ZDHHC13: variants seen among roughly 807,000 people sequenced by gnomAD.
ZDHHC13 encodes zDHHC palmitoyltransferase 13.
ZDHHC13 carries 85 observed loss-of-function variants against 86.0 expected under a neutral mutation model. The ratio of observed to expected loss-of-function variants is 0.99; its 90% confidence interval spans 0.83 to 1.18. ZDHHC13 has a LOEUF of 1.18. Among genes scored for constraint, ZDHHC13 ranks in the 50% most tolerant of loss-of-function variants. ZDHHC13 has a pLI of 0.00. For missense variants in ZDHHC13, 711 were observed against 730.2 expected, an observed-to-expected ratio of 0.97 and a Z score of 0.30; for synonymous variants, 263 against 246.4, an observed-to-expected ratio of 1.07 and a Z score of -0.63.
chr11:19,133,212 A>G (rs1004055618), intron 1 of ZDHHC13, among the ~76,000 whole-genome samples: 1 of 152,186 alleles, frequency 6.6e-6, no homozygotes, highest in African/African-American at 2.4e-5. Flanking sequence ...GATACCAAGT[A>G]TTAGTAAGGA....
rs910059073 is a variant in ZDHHC13, at chr11:19,142,914, T to A, written c.28-64T>A. On this transcript the variant is annotated intron_variant, in intron 1 of 16. Transcript: ENST00000446113. ...GATATTGTTGATAGTAGCAAATGCTTCATTATGTAATTGAGTGTGACATTA... is the reference window on the plus strand; with the variant it reads ...GATATTGTTGATAGTAGCAAATGCTACATTATGTAATTGAGTGTGACATTA... 37 of 1,465,818 alleles carry A rather than the reference T, an allele frequency of 2.5e-5. No homozygotes were observed. The African/African-American group carries it at 4.8e-4, about 19-fold the overall frequency. 90.8% of individuals were successfully genotyped at this position (1,465,818 alleles called of 1,614,324 possible).
chr11:19,146,437 CACACGTT>C, intron 3 of ZDHHC13, 134 bp downstream of exon 3: 1 of 1,069,308 alleles, frequency 9.4e-7, no homozygotes, highest in Non-Finnish European at 1.3e-6. Flanking sequence ...TTTTCTGCCA[CACACGTT>C]GGTTATTATA....
At chr11:19,151,328 A>G (rs1436374643) in intron 6 of ZDHHC13, among the ~76,000 whole-genome samples, 1 of 152,028 alleles carries the variant, frequency 6.6e-6, no homozygotes, top group Non-Finnish European at 1.5e-5. Context: ...ACCACTGTAT[A>G]GTTCAACTTC....
Position 19,175,884 on chromosome 11 carries a change from C to G in ZDHHC13, c.1793C>G (p.Pro598Arg). 6.2e-7 allele frequency: 1 copy of G among 1,613,518 alleles called. No homozygotes were observed. The highest frequency in any genetic ancestry group is 8.5e-7 in the Non-Finnish European group (1 of 1,179,762). The change falls in exon 17 of 17, where the codon CCC (proline) becomes CGC (arginine). Residue 598 changes from proline (P) to arginine (R), a missense_variant. By Grantham distance (103) the Pro-to-Arg change is moderately radical (BLOSUM62 -2). Coordinates refer to ENST00000446113, the MANE Select transcript of ZDHHC13 (RefSeq NM_019028.3). ...TGTGGCTGCTTTGGCTTGGTGAAGC[C>G]CTGTGTGGTAGATTGGACATCACAG... ...FQCGCFGLVK[P>R]CVVDWTSQYT...
intron 1 of ZDHHC13, among the ~76,000 whole-genome samples, chr11:19,140,166 T>A (rs1399513883): frequency 6.6e-6 from 1 of 150,600 alleles, no homozygotes; most frequent in African/African-American, 2.5e-5. Flanking sequence ...AACCTACTCA[T>A]CTGACAAAGG....
At chr11:19,146,419 C>T in intron 3 of ZDHHC13, 116 bp downstream of exon 3, 2 of 1,248,550 alleles carry the variant, frequency 1.6e-6, no homozygotes, top group Non-Finnish European at 2.1e-6. Flanking sequence ...AAAAGAACAC[C>T]CGAAACTTTT....
intron 1 of ZDHHC13, among the ~76,000 whole-genome samples, chr11:19,136,474 A>G (rs1464175767): frequency 2.6e-5 from 4 of 152,260 alleles, no homozygotes; most frequent in Non-Finnish European, 4.4e-5. Context: ...GACGGGGAGA[A>G]TGGAACCAAG....
At chr11:19,135,558 G>A (rs1017787521) in intron 1 of ZDHHC13, among the ~76,000 whole-genome samples, 1 of 152,220 alleles carries the variant, frequency 6.6e-6, no homozygotes, top group Non-Finnish European at 1.5e-5. Context: ...GCTCGAACTG[G>A]GTGGAGCCCA....
intron 6 of ZDHHC13, among the ~76,000 whole-genome samples, chr11:19,151,135 C>T (rs1477641813): frequency 6.6e-6 from 1 of 151,904 alleles, no homozygotes; most frequent in Non-Finnish European, 1.5e-5. Context: ...TTTAAATGTT[C>T]TCATAATTTG....
intron 11 of ZDHHC13, 45 bp from the exon 12 acceptor site, chr11:19,164,255 AT>A: frequency 6.3e-7 from 1 of 1,595,984 alleles, no homozygotes. Flanking sequence ...TGCATAATAC[AT>A]TTTCCAATAA....
At position 19,118,405 on chromosome 11, in the gene ZDHHC13, GA is replaced by G. The variant is rs149195112; in HGVS notation, c.27+1137del. ...TATTGGTTATTCTTGAATTTTAACA[GA>G]AAAAAAATAGTTCTCAGGCAGACTG... On this transcript the variant is annotated intron_variant, in intron 1 of 16. Transcript: ENST00000446113. 4.0e-3 allele frequency among the ~76,000 whole-genome samples: 602 copies of G among 152,070 alleles called. 5 individuals are homozygous for G. The highest frequency in any genetic ancestry group is 0.014 in the African/African-American group (581 of 41,492).
chr11:19,143,321 A>G (rs1433133759), intron 2 of ZDHHC13, among the ~76,000 whole-genome samples, 198 bp downstream of exon 2: 1 of 152,220 alleles, frequency 6.6e-6, no homozygotes, highest in Non-Finnish European at 1.5e-5. Context: ...AGGACGTCCC[A>G]TTAGATTGTA....
At position 19,152,559 on chromosome 11, in the gene ZDHHC13, G is replaced by C. The variant is rs757783088; in HGVS notation, c.748G>C (p.Gly250Arg). Residue 250 changes from glycine (G) to arginine (R), a missense_variant and splice_region_variant, in exon 8 of 17, where the codon GGA (glycine) becomes CGA (arginine). Physicochemically the swap from Gly to Arg is moderately radical, Grantham distance 125 (BLOSUM62 -2). Transcript: ENST00000446113. ...ACTTTTTACCCTACTCTTTTTTAAGGGAGAAACACCTCTTGATATGGCTCT... is the reference window on the plus strand; with the variant it reads ...ACTTTTTACCCTACTCTTTTTTAAGCGAGAAACACCTCTTGATATGGCTCT... Reference protein sequence around the residue: ...GSSLDIQNVKGETPLDMALQN... With the variant: ...GSSLDIQNVKRETPLDMALQN... 2 of 1,603,136 alleles carry C rather than the reference G, an allele frequency of 1.2e-6. No individual in the cohort carries two copies. The highest frequency in any genetic ancestry group is 1.1e-5 in the South Asian group (1 of 88,660).
At chr11:19,131,561 TTA>T (rs1385368560) in intron 1 of ZDHHC13, among the ~76,000 whole-genome samples, 1 of 152,226 alleles carries the variant, frequency 6.6e-6, no homozygotes, top group African/African-American at 2.4e-5. Flanking sequence ...TTTCTTCAAT[TTA>T]AATGGTCTCT....
intron 15 of ZDHHC13, among the ~76,000 whole-genome samples, chr11:19,172,091 G>A (rs1850236901): frequency 6.6e-6 from 1 of 152,012 alleles, no homozygotes; most frequent in Non-Finnish European, 1.5e-5. Context: ...TTTATTTTTT[G>A]AGACAGAGTT....
chr11:19,164,422 G>T (rs1850000191), intron 12 of ZDHHC13, 59 bp downstream of exon 12: 2 of 1,496,728 alleles, frequency 1.3e-6, no homozygotes, highest in Admixed American at 3.6e-5. Flanking sequence ...TAACGTTGCT[G>T]ATGTAAGCAT....
chr11:19,129,916 C>A (rs1350657907), intron 1 of ZDHHC13, among the ~76,000 whole-genome samples: 2 of 152,204 alleles, frequency 1.3e-5, no homozygotes, highest in South Asian at 2.1e-4. Context: ...CACGGTGAAA[C>A]CCTGTCTCTA....
chr11:19,140,056 T>C (rs1178231852), intron 1 of ZDHHC13, among the ~76,000 whole-genome samples: 2 of 149,556 alleles, frequency 1.3e-5, no homozygotes, highest in African/African-American at 4.9e-5. Context: ...AAAGCCAAAA[T>C]TGACAAATGG....
chr11:19,140,687 C>T (rs541995141), intron 1 of ZDHHC13, among the ~76,000 whole-genome samples: 2,246 of 152,034 alleles, frequency 0.015, 66 homozygotes, highest in African/African-American at 0.051. Context: ...CAATGATAGA[C>T]TGGATTAAGA....
Sources: allele counts gnomAD v4.1 joint callset (sites outside exome capture counted in the v4.1 genomes callset), GRCh38; gene constraint gnomAD v4.1.1; transcripts MANE v1.5; gene names NCBI Gene and HGNC (gene_info 2026-07-23, HGNC 2026-07-21).